FIRRM: variants seen among roughly 807,000 people sequenced by gnomAD.
FIRRM encodes FIGNL1 interacting regulator of recombination and mitosis.
the FIRRM span, chr1:169,793,975 A>C: frequency 1.1e-5 from 3 of 285,556 alleles, no homozygotes; most frequent in African/African-American, 6.6e-5. Flanking sequence ...GTGTAATATT[A>C]AACAGCCACC....
chr1:169,835,961 A>G, the FIRRM span, among the ~76,000 whole-genome samples: 1 of 152,086 alleles, frequency 6.6e-6, no homozygotes, highest in South Asian at 2.1e-4. Flanking sequence ...CATGATTTCT[A>G]GCTTGCATTG....
chr1:169,845,625 T>C, the FIRRM span, among the ~76,000 whole-genome samples: 1 of 152,370 alleles, frequency 6.6e-6, no homozygotes, highest in Admixed American at 6.5e-5. Flanking sequence ...CCATCTTCTA[T>C]ACCAGGAGTA....
At chr1:169,786,766 T>C in the FIRRM span, among the ~76,000 whole-genome samples, 2 of 152,142 alleles carry the variant, frequency 1.3e-5, no homozygotes, top group South Asian at 2.1e-4. Context: ...AGAATAGAAA[T>C]TTCTTTTCCT....
chr1:169,818,820 G>A, the FIRRM span, among the ~76,000 whole-genome samples: 1 of 152,160 alleles, frequency 6.6e-6, no homozygotes, highest in African/African-American at 2.4e-5. Flanking sequence ...CCAAGTAGCT[G>A]GGATTACAAG....
At chr1:169,823,256 A>G in the FIRRM span, 4 of 490,688 alleles carry the variant, frequency 8.2e-6, no homozygotes, top group East Asian at 1.4e-4. Flanking sequence ...ATCTCAAAAA[A>G]AAAAAAAGAA....
At chr1:169,830,466 C>T in the FIRRM span, 133 of 977,686 alleles carry the variant, frequency 1.4e-4, no homozygotes, top group South Asian at 2.1e-4. Flanking sequence ...ATTCCCAAAA[C>T]GCTTTGATTT....
the FIRRM span, among the ~76,000 whole-genome samples, chr1:169,817,925 TA>T: frequency 6.6e-6 from 1 of 151,122 alleles, no homozygotes; most frequent in East Asian, 1.9e-4. Flanking sequence ...AATGCCCCTT[TA>T]ACTTTAGCCA....
the FIRRM span, chr1:169,821,816 A>G: frequency 2.7e-5 from 31 of 1,157,000 alleles, no homozygotes; most frequent in Non-Finnish European, 3.3e-5. Context: ...AAAACGAATT[A>G]TTATCCCTAT....
At chr1:169,823,322 A>G in the FIRRM span, 564 of 695,598 alleles carry the variant, frequency 8.1e-4, 4 homozygotes, top group African/African-American at 9.9e-3. Flanking sequence ...TCAGGATTTT[A>G]TGTTATTTTG....
At chr1:169,803,123 T>C in the FIRRM span, 2 of 1,589,352 alleles carry the variant, frequency 1.3e-6, no homozygotes, top group Non-Finnish European at 8.6e-7. Flanking sequence ...ACCTTTTCAG[T>C]GCACAAAAAA....
chr1:169,788,836 A>C, the FIRRM span, among the ~76,000 whole-genome samples: 1 of 152,246 alleles, frequency 6.6e-6, no homozygotes, highest in Non-Finnish European at 1.5e-5. Context: ...TGTTCTTTGT[A>C]ATCGTTAATT....
the FIRRM span, among the ~76,000 whole-genome samples, chr1:169,807,596 GA>G: frequency 6.6e-6 from 1 of 152,098 alleles, no homozygotes; most frequent in Non-Finnish European, 1.5e-5. Context: ...TTTACACAGA[GA>G]AAAAATTAGC....
the FIRRM span, among the ~76,000 whole-genome samples, chr1:169,821,128 G>A: frequency 1.3e-5 from 2 of 152,098 alleles, no homozygotes. Context: ...TTCCTTACTA[G>A]TGCAGGGATA....
At chr1:169,819,621 G>T in the FIRRM span, among the ~76,000 whole-genome samples, 1 of 152,200 alleles carries the variant, frequency 6.6e-6, no homozygotes, top group Non-Finnish European at 1.5e-5. Context: ...GTCCCAGGCT[G>T]TTAGAGCTTG....
chr1:169,852,665 C>T, the FIRRM span: 3 of 974,812 alleles, frequency 3.1e-6, no homozygotes, highest in Admixed American at 5.3e-5. Flanking sequence ...TTTTGGGGTG[C>T]ATCCTCCTAC....
the FIRRM span, among the ~76,000 whole-genome samples, chr1:169,809,427 T>G: frequency 6.6e-6 from 1 of 152,196 alleles, no homozygotes; most frequent in Non-Finnish European, 1.5e-5. Context: ...ACCTCCTCCT[T>G]TTTCAGTTTC....
At chr1:169,852,485 T>G in the FIRRM span, 3 of 348,170 alleles carry the variant, frequency 8.6e-6, no homozygotes, top group African/African-American at 6.3e-5. Flanking sequence ...TTTATGAACT[T>G]GTTTATAAGA....
the FIRRM span, among the ~76,000 whole-genome samples, chr1:169,797,151 A>G: frequency 6.6e-6 from 1 of 152,252 alleles, no homozygotes; most frequent in Admixed American, 6.5e-5. Context: ...GTAAGCATTC[A>G]TTAAAGGGCT....
chr1:169,853,213 C>T, the FIRRM span: 3 of 547,928 alleles, frequency 5.5e-6, no homozygotes, highest in Non-Finnish European at 9.7e-6. Context: ...CACAAAGAAC[C>T]ATTTACTCAG....
Sources: allele counts gnomAD v4.1 joint callset (sites outside exome capture counted in the v4.1 genomes callset), GRCh38; gene constraint gnomAD v4.1.1; transcripts MANE v1.5; gene names NCBI Gene and HGNC (gene_info 2026-07-23, HGNC 2026-07-21).